The following ELP1 variants were observed in gnomAD, a reference collection of about 807,000 sequenced individuals.
ELP1 encodes elongator complex protein 1.
A neutral mutation model predicts 183.2 loss-of-function variants in ELP1; 131 were observed. The observed-to-expected ratio is 0.72, with a 90% CI of 0.62 to 0.83. The LOEUF (loss-of-function observed/expected upper bound fraction) is 0.83. ELP1 is among the 40% of genes least tolerant of loss of function. The pLI is 0.00. For missense variants in ELP1, 1,550 were observed against 1,594.9 expected (o/e 0.97, Z 0.48); for synonymous variants, 555 against 569.0 (o/e 0.98, Z 0.35).
Position 108,891,317 on chromosome 9 carries a change from C to T in ELP1, c.3046G>A (p.Glu1016Lys), listed in dbSNP as rs868601119. ...GTCAGAAAGGCTGAGAGAGCTTTCT[C>T]GTGGGCACCGCAACGGGCAAACATG... is the stretch of plus-strand genomic sequence containing the variant. Reference protein sequence around the residue: ...GLMFARCGAHEKALSAFLTCG... With the variant: ...GLMFARCGAHKKALSAFLTCG... Residue 1016 changes from glutamate (E) to lysine (K), a missense_variant, in exon 28 of 37, where the codon GAG (glutamate) becomes AAG (lysine). Coordinates refer to ENST00000374647, the MANE Select transcript of ELP1 (RefSeq NM_003640.5). 1.4e-5 allele frequency: 23 copies of T among 1,614,012 alleles called. No individual in the cohort carries two copies. The Middle Eastern group carries it at 4.9e-4, about 35-fold the overall frequency.
chr9:108,923,895 A>G (rs1829741219), intron 5 of ELP1, among the ~76,000 whole-genome samples: 1 of 152,236 alleles, frequency 6.6e-6, no homozygotes, highest in Non-Finnish European at 1.5e-5. Flanking sequence ...TCCAGGACCC[A>G]ATACTTTCCT....
Position 108,912,278 on chromosome 9 carries a change from G to A in ELP1, c.1175C>T (p.Ala392Val), listed in dbSNP as rs1554699340. 1 of 1,613,784 alleles carries A rather than the reference G, an allele frequency of 6.2e-7. No individual in the cohort carries two copies. Among genetic ancestry groups the A allele is most frequent in the Non-Finnish European group, 8.5e-7 (1 of 1,179,708 alleles). ...GDNSSDLSNV[A>V]VIDGNRVLVT... is the part of the protein sequence containing the mutation. Reference sequence around the variant, plus strand: ...CAGGAGCTTACTTCCATCAATGACAGCCACATTGGACAAGTCACTTGAATT... The same window carrying A: ...CAGGAGCTTACTTCCATCAATGACAACCACATTGGACAAGTCACTTGAATT... Residue 392 changes from alanine (A) to valine (V), a missense_variant, in exon 11 of 37, where the codon GCT (alanine) becomes GTT (valine). Physicochemically the swap from Ala to Val is moderately conservative, Grantham distance 64 (BLOSUM62 0). Coordinates refer to ENST00000374647, the MANE Select transcript of ELP1 (RefSeq NM_003640.5).
chr9:108,905,790 T>C (rs1828994286), intron 14 of ELP1, among the ~76,000 whole-genome samples: 1 of 152,146 alleles, frequency 6.6e-6, no homozygotes, highest in South Asian at 2.1e-4. Flanking sequence ...CTGGACAGCA[T>C]GTTACTTTAC....
intron 5 of ELP1, among the ~76,000 whole-genome samples, chr9:108,923,280 G>C (rs1392543752): frequency 6.6e-6 from 1 of 152,172 alleles, no homozygotes; most frequent in Non-Finnish European, 1.5e-5. Flanking sequence ...ACTAAAGTAG[G>C]AGGATCACTT....
chr9:108,875,244 T>C lies in ELP1; in HGVS notation c.3856-274A>G, dbSNP rs541347154. 7.0e-4 allele frequency among the ~76,000 whole-genome samples: 106 copies of C among 152,338 alleles called. 3 individuals are homozygous for C. The South Asian group carries it at 0.021, about 31-fold the overall frequency. ...ACTCTACAGTGATATATCTTGGCCT[T>C]TTCTAAATGAGCAAACCACTCCCTG... On this transcript the variant is annotated intron_variant, in intron 35 of 36. Transcript: ENST00000374647.
chr9:108,926,846 C>T (rs1829838847), intron 4 of ELP1, among the ~76,000 whole-genome samples: 1 of 152,172 alleles, frequency 6.6e-6, no homozygotes, highest in African/African-American at 2.4e-5. Flanking sequence ...TAAAAGTCCA[C>T]AAAGCCCTCC....
At chr9:108,872,797 T>G (rs1164052327) in intron 36 of ELP1, among the ~76,000 whole-genome samples, 1 of 89,480 alleles carries the variant, frequency 1.1e-5, no homozygotes, top group Non-Finnish European at 1.8e-5. Flanking sequence ...AGAGCAAGAC[T>G]CTGTCTGAAA....
intron 35 of ELP1, among the ~76,000 whole-genome samples, chr9:108,877,454 AAG>A (rs1237792099): frequency 6.6e-6 from 1 of 152,242 alleles, no homozygotes; most frequent in Admixed American, 6.5e-5. Context: ...CTTGAAGTAT[AAG>A]AGAGTGAACA....
Position 108,898,758 on chromosome 9 carries a change from A to G in ELP1, c.2205-9T>C. 6.3e-7 allele frequency: 1 copy of G among 1,587,438 alleles called. No homozygotes were observed. Among genetic ancestry groups the G allele is most frequent in the Non-Finnish European group, 8.6e-7 (1 of 1,157,534 alleles). On this transcript the variant is annotated splice_polypyrimidine_tract_variant and intron_variant, in intron 20 of 36. Coordinates refer to ENST00000374647, the MANE Select transcript of ELP1 (RefSeq NM_003640.5). ...CCTCTTTAAACATAAGTCTGTGAGA[A>G]GACAGAGAAAGAATAGAAAAGATAT...
intron 6 of ELP1, among the ~76,000 whole-genome samples, chr9:108,921,917 T>C (rs1564104149): frequency 6.6e-6 from 1 of 152,234 alleles, no homozygotes; most frequent in African/African-American, 2.4e-5. Context: ...ATAGCTGTTT[T>C]ATATATGCTA....
chr9:108,878,051 C>G lies in ELP1; in HGVS notation c.3799G>C (p.Glu1267Gln). ...GTCCAAATTTCTGGAAGTGACCTTT[C>G]CATCAACTGCAGCGTATCTTCAAAG... ...KAFEDTLQLM[E>Q]RSLPEIWTLT... The change falls in exon 35 of 37, where the codon GAA becomes CAA. Residue 1267 changes from glutamate to glutamine, a missense_variant. Glu to Gln is a conservative substitution (Grantham distance 29). Transcript: ENST00000374647. 6.2e-7 allele frequency: 1 copy of G among 1,614,170 alleles called. No homozygotes were observed. The highest frequency in any genetic ancestry group is 8.5e-7 in the Non-Finnish European group (1 of 1,179,994).
chr9:108,917,642 G>GTAC lies in ELP1; in HGVS notation c.768_769insGTA (p.Thr256_Gln257insVal). ...ATATCCTGCTGGTTGGGTTTATCTTGTGTAGATGCAATCAAACTGCCTGAG... is the reference window on the plus strand; with the variant it reads ...ATATCCTGCTGGTTGGGTTTATCTTGTACTGTAGATGCAATCAAACTGCCTGAG... On this transcript the variant is annotated inframe_insertion, in exon 9 of 37. Coordinates refer to ENST00000374647, the MANE Select transcript of ELP1 (RefSeq NM_003640.5). The GTAC allele has an allele frequency of 6.2e-7, 1 of 1,613,946 alleles. No homozygotes were observed. The highest frequency in any genetic ancestry group is 8.5e-7 in the Non-Finnish European group (1 of 1,179,924).
rs1351169928 is a variant in ELP1 at position 108,901,539 on chromosome 9, G to GA, written c.1909-10dup. Reference sequence around the variant, plus strand: ...GTGATATTTGACGCAACCTGCAAGAGAAGGCCAGAGAGGCATGGGTGAAAG... The same window carrying GA: ...GTGATATTTGACGCAACCTGCAAGAGAAAGGCCAGAGAGGCATGGGTGAAAG... On this transcript the variant is annotated splice_polypyrimidine_tract_variant and intron_variant, in intron 17 of 36. Transcript: ENST00000374647. 1 of 1,612,788 alleles carries GA rather than the reference G, an allele frequency of 6.2e-7. No homozygotes were observed. Among genetic ancestry groups the GA allele is most frequent in the Non-Finnish European group, 8.5e-7 (1 of 1,178,838 alleles).
intron 29 of ELP1, among the ~76,000 whole-genome samples, chr9:108,883,543 A>C (rs534976637): frequency 7.9e-6 from 1 of 126,526 alleles, no homozygotes; most frequent in Admixed American, 9.0e-5. Flanking sequence ...GAAAACTCGG[A>C]AAATACTGAA....
At chr9:108,916,066 C>G in intron 10 of ELP1, 138 bp downstream of exon 10, 1 of 748,218 alleles carries the variant, frequency 1.3e-6, no homozygotes, top group South Asian at 1.4e-5. Flanking sequence ...AACCTAACCA[C>G]CCCCATTTCC....
chr9:108,933,597 T>G, intron 1 of ELP1, among the ~76,000 whole-genome samples: 1 of 152,362 alleles, frequency 6.6e-6, no homozygotes, highest in East Asian at 1.9e-4. Flanking sequence ...TCAGCGTTAT[T>G]ATCAACCCCC....
chr9:108,872,804 G>GAAA (rs58139943), intron 36 of ELP1, among the ~76,000 whole-genome samples: 13 of 83,372 alleles, frequency 1.6e-4, no homozygotes, highest in Admixed American at 4.7e-4. Flanking sequence ...GACTCTGTCT[G>GAAA]AAAAAAAAAA....
chr9:108,875,786 C>T (rs1284404501), intron 35 of ELP1: 1 of 375,154 alleles, frequency 2.7e-6, no homozygotes. Context: ...CACCTGTGGT[C>T]CCAATTACTC....
At chr9:108,874,592 C>A (rs113273351) in intron 36 of ELP1, among the ~76,000 whole-genome samples, 38 of 152,304 alleles carry the variant, frequency 2.5e-4, no homozygotes, top group African/African-American at 9.1e-4. Context: ...TAAATGTAGA[C>A]AGTTTAGACT....
Sources: gnomAD v4.1 joint callset for allele counts (sites outside exome capture counted in the v4.1 genomes callset) on GRCh38, gnomAD v4.1.1 for gene constraint, MANE v1.5 for transcripts, NCBI Gene and HGNC (gene_info 2026-07-23, HGNC 2026-07-21) for gene names.